SPRY1: variants seen among roughly 807,000 people sequenced by gnomAD.
The protein encoded by SPRY1 is protein sprouty homolog 1.
A neutral mutation model predicts 22.6 loss-of-function variants in SPRY1; 20 were observed. The ratio of observed to expected loss-of-function variants is 0.89; its 90% CI spans 0.62 to 1.29. The LOEUF (loss-of-function observed/expected upper bound fraction) is 1.29. SPRY1 is among the 50% of genes most tolerant of loss of function. The probability of loss-of-function intolerance (pLI) is 0.00; values close to 1 mark genes in which losing one functional copy is unlikely to be tolerated. For synonymous variants in SPRY1, 155 were observed against 144.7 expected, an observed-to-expected ratio of 1.07 and a Z score of -0.51; for missense variants, 446 against 387.7, an observed-to-expected ratio of 1.15 and a Z score of -1.26.
At position 123,402,518 on chromosome 4, in the gene SPRY1, C is replaced by A. The variant is rs1226970500; in HGVS notation, c.927C>A (p.Ser309Arg). Residue 309 changes from serine to arginine, a missense_variant, in exon 3 of 3, where the codon AGC becomes AGA. By Grantham distance (110) the Ser-to-Arg change is moderately radical. Transcript: ENST00000651917. ...ACACTGTCTATTGTAAGCTGGAGAG[C>A]TGCCCCTCCCGGGGTCAGGGTAAAC... ...NSNTVYCKLE[S>R]CPSRGQGKPS 6.2e-7 allele frequency: 1 copy of A among 1,613,718 alleles called. No individual in the cohort carries two copies. Among genetic ancestry groups the A allele is most frequent in the Non-Finnish European group, 8.5e-7 (1 of 1,179,658 alleles).
chr4:123,399,167 A>T (rs9992811), intron 2 of SPRY1, among the ~76,000 whole-genome samples: 1 of 151,996 alleles, frequency 6.6e-6, no homozygotes, highest in African/African-American at 2.4e-5. Context: ...ACCTGAGGTC[A>T]GGAGTTCGAG....
Position 123,401,487 on chromosome 4 carries a change from T to G in SPRY1, c.-55-50T>G, listed in dbSNP as rs188462366. On this transcript the variant is annotated intron_variant, in intron 2 of 2. Transcript: ENST00000651917. ...CAGGATTCCCCCCCCCCAAAAAAAA[T>G]GCTTCCTGTCATTTATTTTCTGTTT... is the stretch of plus-strand genomic sequence containing the variant. The G allele has an allele frequency of 1.2e-4, 160 of 1,331,274 alleles. 1 individual carries two copies. In the African/African-American group the frequency reaches 2.3e-3, roughly 19 times the overall value. The allele number at this position is 1,331,274 out of a possible 1,614,324, so 82.5% of individuals were successfully genotyped here.
Position 123,402,625 on chromosome 4 carries a change from T to A in SPRY1, c.*74T>A. 2.0e-6 allele frequency: 3 copies of A among 1,517,328 alleles called. No homozygotes were observed. Among genetic ancestry groups the A allele is most frequent in the Non-Finnish European group, 2.6e-6 (3 of 1,135,034 alleles). The allele number at this position is 1,517,328 out of a possible 1,614,324, so 94.0% of individuals were successfully genotyped here. A position where few individuals can be genotyped will look rare whatever the true frequency, so the allele number is the denominator to read the frequency against. ...GCTGTTTTTTGTTTTTGTTTTTGTT[T>A]TTGTTTTCTTTAGAATTTTTCCCTG... On this transcript the variant is annotated 3_prime_UTR_variant, in exon 3 of 3. Transcript: ENST00000651917.
chr4:123,402,787 T>G lies in SPRY1; in HGVS notation c.*236T>G. 1 of 579,624 alleles carries G rather than the reference T, an allele frequency of 1.7e-6. No individual in the cohort carries two copies. 35.9% of individuals were successfully genotyped at this position (579,624 alleles called of 1,614,324 possible). A position where few individuals can be genotyped will look rare whatever the true frequency, so the allele number is the denominator to read the frequency against. On this transcript the variant is annotated 3_prime_UTR_variant, in exon 3 of 3. Coordinates refer to ENST00000651917, the MANE Select transcript of SPRY1 (RefSeq NM_001258038.2). ...TCAACAAGAGCCTCTGCCATCCACT[T>G]GAGGGTATTGAGAGCCAGTGGGCTT...
chr4:123,400,000 T>G (rs545822739), intron 2 of SPRY1: 1 of 152,368 alleles, frequency 6.6e-6, no homozygotes, highest in South Asian at 2.1e-4. Context: ...TCATTGGAAA[T>G]GCAAATTGAA....
intron 2 of SPRY1, among the ~76,000 whole-genome samples, chr4:123,399,094 C>T (rs1725039099): frequency 6.6e-6 from 1 of 151,548 alleles, no homozygotes; most frequent in African/African-American, 2.4e-5. Flanking sequence ...GTGGGGAAGT[C>T]GGCTGGGCGC....
At position 123,401,525 on chromosome 4, in the gene SPRY1, A is replaced by ATTTCGT; in HGVS notation, c.-55-8_-55-3dup. On this transcript the variant is annotated splice_polypyrimidine_tract_variant and intron_variant, in intron 2 of 2. Transcript: ENST00000651917. ...TTATTTTCTGTTTTTTTCATCTTTG[A>ATTTCGT]TTTCGTTTTAGGATTTCAGATGCAT... The ATTTCGT allele has an allele frequency of 6.7e-7, 1 of 1,492,404 alleles. No individual in the cohort carries two copies. The highest frequency in any genetic ancestry group is 8.9e-7 in the Non-Finnish European group (1 of 1,123,558). The allele number at this position is 1,492,404 out of a possible 1,614,324, so 92.4% of individuals were successfully genotyped here.
At chr4:123,398,749 G>T (rs1725022191) in intron 2 of SPRY1, among the ~76,000 whole-genome samples, 1 of 152,144 alleles carries the variant, frequency 6.6e-6, no homozygotes. Flanking sequence ...ACGGTCTGCG[G>T]CTGCGGAACG....
rs1402626301 is a variant in SPRY1 at position 123,401,782 on chromosome 4, C to T, written c.191C>T (p.Ala64Val). 6.2e-7 allele frequency: 1 copy of T among 1,614,088 alleles called. No homozygotes were observed. Among genetic ancestry groups the T allele is most frequent in the African/African-American group, 1.3e-5 (1 of 74,922 alleles). ...TEGPSVVKRP[A>V]PRTAPRQEKH... ...GGGCCTTCGGTGGTGAAAAGACCTG[C>T]TCCTCGGACAGCACCAAGACAAGAA... Residue 64 changes from alanine to valine, a missense_variant, in exon 3 of 3, where the codon GCT becomes GTT. Transcript: ENST00000651917.
intron 2 of SPRY1, among the ~76,000 whole-genome samples, chr4:123,399,185 C>T (rs28514996): frequency 0.43 from 65,335 of 151,948 alleles, 15,785 homozygotes; most frequent in Non-Finnish European, 0.54. Context: ...GAGACCAGCC[C>T]GACCAACTGA....
At position 123,402,828 on chromosome 4, in the gene SPRY1, G is replaced by C. The variant is rs1725229860; in HGVS notation, c.*277G>C. On this transcript the variant is annotated 3_prime_UTR_variant, in exon 3 of 3. Coordinates refer to ENST00000651917, the MANE Select transcript of SPRY1 (RefSeq NM_001258038.2). ...CAGTGGGCTTTTGTGTAGCCTTTTTGTTCTGCAAGCAACTTTCTAAAGTTG... is the reference window on the plus strand; with the variant it reads ...CAGTGGGCTTTTGTGTAGCCTTTTTCTTCTGCAAGCAACTTTCTAAAGTTG... 1.9e-6 allele frequency: 1 copy of C among 518,310 alleles called. No individual in the cohort carries two copies. The highest frequency in any genetic ancestry group is 3.5e-6 in the Non-Finnish European group (1 of 289,054). 32.1% of individuals were successfully genotyped at this position (518,310 alleles called of 1,614,324 possible).
chr4:123,401,664 C>CA lies in SPRY1; in HGVS notation c.74dup (p.Arg26GlufsTer5). 1.9e-6 allele frequency: 3 copies of CA among 1,614,138 alleles called. No individual in the cohort carries two copies. The highest frequency in any genetic ancestry group is 2.5e-6 in the Non-Finnish European group (3 of 1,180,038). ...CCAGCAGCCTTCTTTGGATAGCCGT[C>CA]AGAGATTAGACTATGAGAGAGAGAT... On this transcript the variant is annotated frameshift_variant, in exon 3 of 3. Transcript: ENST00000651917. LOFTEE classifies it high-confidence loss of function.
At chr4:123,399,416 G>C (rs1359667932) in intron 2 of SPRY1, 2 of 152,122 alleles carry the variant, frequency 1.3e-5, no homozygotes, top group Non-Finnish European at 2.9e-5. Context: ...TGAGCTCATG[G>C]TAACCTCAGC....
In SPRY1 at chr4:123,397,586, TTCTATC is replaced by T. The variant is rs1036738474; in HGVS notation, c.-301-20_-301-15del. On this transcript the variant is annotated intron_variant, in intron 1 of 2. Transcript: ENST00000651917. Reference sequence around the variant, plus strand: ...TTCGAAGAAAGGGACATTCACGAGCTTCTATCTCTAATTCTCTGTCGCAGGCATTTC... The same window carrying T: ...TTCGAAGAAAGGGACATTCACGAGCTTCTAATTCTCTGTCGCAGGCATTTC... 1.3e-5 allele frequency: 2 copies of T among 151,858 alleles called. No individual in the cohort carries two copies. Among genetic ancestry groups the T allele is most frequent in the African/African-American group, 4.8e-5 (2 of 41,336 alleles). The allele number at this position is 151,858 out of a possible 1,614,324, so 9.4% of individuals were successfully genotyped here.
In SPRY1 at chr4:123,402,846, T is replaced by TA. The variant is rs1725230296; in HGVS notation, c.*298dup. The TA allele has an allele frequency of 1.9e-6, 1 of 516,076 alleles. No homozygotes were observed. The highest frequency in any genetic ancestry group is 1.9e-5 in the African/African-American group (1 of 52,084). The allele number at this position is 516,076 out of a possible 1,614,324, so 32.0% of individuals were successfully genotyped here. A position where few individuals can be genotyped will look rare whatever the true frequency, so the allele number is the denominator to read the frequency against. ...CCTTTTTGTTCTGCAAGCAACTTTC[T>TA]AAAGTTGTGTACATGAACATACACC... is the stretch of plus-strand genomic sequence containing the variant. On this transcript the variant is annotated 3_prime_UTR_variant, in exon 3 of 3. Coordinates refer to ENST00000651917, the MANE Select transcript of SPRY1 (RefSeq NM_001258038.2).
rs1012523568 is a variant in SPRY1, at chr4:123,401,644, A to G, written c.53A>G (p.Gln18Arg). The change falls in exon 3 of 3, where the codon CAG becomes CGG. Residue 18 changes from glutamine (Q) to arginine (R), a missense_variant. Gln to Arg is a conservative substitution (Grantham distance 43, BLOSUM62 1). Transcript: ENST00000651917. Reference protein sequence around the residue: ...GSGSSLVVIQQPSLDSRQRLD... With the variant: ...GSGSSLVVIQRPSLDSRQRLD... ...GGCAGTTCGTTAGTTGTGATCCAGC[A>G]GCCTTCTTTGGATAGCCGTCAGAGA... is the stretch of plus-strand genomic sequence containing the variant. 6.2e-7 allele frequency: 1 copy of G among 1,614,218 alleles called. No individual in the cohort carries two copies. The highest frequency in any genetic ancestry group is 8.5e-7 in the Non-Finnish European group (1 of 1,180,044).
chr4:123,398,572 C>CGCTCGGCGCGGCAGGTGCGG (rs1341930962), intron 2 of SPRY1: 1 of 152,274 alleles, frequency 6.6e-6, no homozygotes, highest in Non-Finnish European at 1.5e-5. Flanking sequence ...GGGCGGGGCT[C>CGCTCGGCGCGGCAGGTGCGG]GCTCGGCGCG....
rs765414706 is a variant in SPRY1 at position 123,401,908 on chromosome 4, C to T, written c.317C>T (p.Ala106Val). The T allele has an allele frequency of 1.2e-5, 20 of 1,614,032 alleles. No homozygotes were observed. The highest frequency in any genetic ancestry group is 4.4e-5 in the South Asian group (4 of 91,082). ...GGACATGCAGTACTCCCAAGTAATG[C>T]CAGGGGCCCCATTTTGAGCAGATCA... Reference protein sequence around the residue: ...HLGHAVLPSNARGPILSRSTS... With the variant: ...HLGHAVLPSNVRGPILSRSTS... Residue 106 changes from alanine to valine, a missense_variant, in exon 3 of 3, where the codon GCC becomes GTC. Transcript: ENST00000651917.
At chr4:123,401,292 G>A (rs1725136488) in intron 2 of SPRY1, among the ~76,000 whole-genome samples, 1 of 152,156 alleles carries the variant, frequency 6.6e-6, no homozygotes, top group African/African-American at 2.4e-5. Context: ...CTTCTTAAAA[G>A]TTGGAAAAAC....
Sources: gnomAD v4.1 joint callset for allele counts (sites outside exome capture counted in the v4.1 genomes callset) on GRCh38, gnomAD v4.1.1 for gene constraint, MANE v1.5 for transcripts, NCBI Gene and HGNC (gene_info 2026-07-23, HGNC 2026-07-21) for gene names.